The following VPS41 variants were observed in gnomAD, a reference collection of about 807,000 sequenced individuals.
VPS41 encodes the protein vacuolar protein sorting-associated protein 41 homolog.
VPS41 carries 85 observed loss-of-function variants against 130.9 expected under a neutral mutation model. The ratio of observed to expected loss-of-function variants is 0.65; its 90% CI spans 0.55 to 0.78. The LOEUF (loss-of-function observed/expected upper bound fraction) is 0.78. Among genes scored for constraint, VPS41 ranks in the 30% least tolerant of loss-of-function variants. The pLI, the probability that VPS41 is intolerant of heterozygous loss-of-function variation, is 0.00. For missense variants in VPS41, 874 were observed against 1,018.7 expected (o/e 0.86, Z 1.93); for synonymous variants, 335 against 332.9 (o/e 1.01, Z -0.07).
At chr7:38,815,629 G>A (rs1785032760) in intron 7 of VPS41, among the ~76,000 whole-genome samples, 1 of 152,088 alleles carries the variant, frequency 6.6e-6, no homozygotes, top group South Asian at 2.1e-4. Flanking sequence ...TTGAGTTGGT[G>A]GACTGGGAGA....
At position 38,748,107 on chromosome 7, in the gene VPS41, A is replaced by G. The variant is rs560840139; in HGVS notation, c.1927-2494T>C. 7.4e-4 allele frequency among the ~76,000 whole-genome samples: 113 copies of G among 152,364 alleles called. 1 individual carries two copies. In the Middle Eastern group the frequency reaches 0.014, roughly 18 times the overall value. ...AATCTCTAGAAATTTTGAGTAAAGT[A>G]TAAAAAGAAAGCATTTAGATTCTTG... On this transcript the variant is annotated intron_variant, in intron 22 of 28. Coordinates refer to ENST00000310301, the MANE Select transcript of VPS41 (RefSeq NM_014396.4).
intron 1 of VPS41, among the ~76,000 whole-genome samples, chr7:38,907,726 C>T (rs1476744311): frequency 2.0e-5 from 3 of 151,978 alleles, no homozygotes; most frequent in African/African-American, 4.8e-5. Context: ...GAAGAAAAAA[C>T]AATGGTTTTT....
At chr7:38,756,030 G>A (rs866029260) in intron 19 of VPS41, among the ~76,000 whole-genome samples, 1 of 152,112 alleles carries the variant, frequency 6.6e-6, no homozygotes, top group Non-Finnish European at 1.5e-5. Flanking sequence ...TTAAGTTGGT[G>A]GAGATTAATA....
intron 4 of VPS41, among the ~76,000 whole-genome samples, chr7:38,858,034 A>C (rs1786023115): frequency 6.6e-6 from 1 of 152,224 alleles, no homozygotes; most frequent in Admixed American, 6.5e-5. Flanking sequence ...GGAGTTGTGA[A>C]GACCAAGGTT....
chr7:38,771,369 T>C lies in VPS41; in HGVS notation c.1129-115A>G. The C allele has an allele frequency of 1.2e-5, 9 of 730,794 alleles. No homozygotes were observed. The South Asian group carries it at 1.5e-4, about 12-fold the overall frequency. The allele number at this position is 730,794 out of a possible 1,614,324, so 45.3% of individuals were successfully genotyped here. A position where few individuals can be genotyped will look rare whatever the true frequency, so the allele number is the denominator to read the frequency against. Reference sequence around the variant, plus strand: ...GAGGTTATAAACACTATAGTTATTATGGTTTAGCATTCTGCACTACACGAA... The same window carrying C: ...GAGGTTATAAACACTATAGTTATTACGGTTTAGCATTCTGCACTACACGAA... On this transcript the variant is annotated intron_variant, in intron 13 of 28. Coordinates refer to ENST00000310301, the MANE Select transcript of VPS41 (RefSeq NM_014396.4).
chr7:38,723,705 C>T lies in VPS41; in HGVS notation c.*2541G>A, dbSNP rs929328663. 1 of 94,594 alleles carries T rather than the reference C, an allele frequency of 1.1e-5. No homozygotes were observed. Among genetic ancestry groups the T allele is most frequent in the African/African-American group, 4.4e-5 (1 of 22,912 alleles). 5.9% of individuals were successfully genotyped at this position (94,594 alleles called of 1,614,324 possible). A position where few individuals can be genotyped will look rare whatever the true frequency, so the allele number is the denominator to read the frequency against. ...TGTCACTGCACTCCAGCCAAGGCAA[C>T]AGAACGAGACTCCATCTCAAAAAAA... On this transcript the variant is annotated 3_prime_UTR_variant, in exon 29 of 29. Coordinates refer to ENST00000310301, the MANE Select transcript of VPS41 (RefSeq NM_014396.4).
chr7:38,792,169 A>G (rs976164991), intron 9 of VPS41, among the ~76,000 whole-genome samples: 6 of 152,188 alleles, frequency 3.9e-5, no homozygotes, highest in Non-Finnish European at 8.8e-5. Context: ...GGGCTCACCC[A>G]GCACCTGTCT....
At chr7:38,730,844 TTA>T (rs1279293848) in intron 25 of VPS41, among the ~76,000 whole-genome samples, 1 of 152,108 alleles carries the variant, frequency 6.6e-6, no homozygotes, top group African/African-American at 2.4e-5. Context: ...ATGGCATGAA[TTA>T]TATAAGAGAA....
intron 15 of VPS41, 81 bp downstream of exon 15, chr7:38,767,456 G>T: frequency 1.1e-6 from 1 of 892,158 alleles, no homozygotes; most frequent in Non-Finnish European, 1.7e-6. Flanking sequence ...AATGTCAACT[G>T]CAAAGAATGG....
intron 1 of VPS41, among the ~76,000 whole-genome samples, chr7:38,902,738 C>T (rs1787172170): frequency 1.3e-5 from 2 of 152,196 alleles, no homozygotes; most frequent in South Asian, 4.1e-4. Flanking sequence ...CTGCACTCAT[C>T]CTGATGGAAT....
chr7:38,797,653 A>G (rs1474143979), intron 7 of VPS41, among the ~76,000 whole-genome samples: 1 of 152,246 alleles, frequency 6.6e-6, no homozygotes, highest in Non-Finnish European at 1.5e-5. Flanking sequence ...ATCCTTTCAA[A>G]GCAAATGCTG....
intron 9 of VPS41, among the ~76,000 whole-genome samples, chr7:38,794,000 C>T (rs1291680159): frequency 6.6e-6 from 1 of 152,070 alleles, no homozygotes; most frequent in African/African-American, 2.4e-5. Context: ...TTTATAGGTT[C>T]TAGGAATTAG....
chr7:38,732,202 A>C (rs925076924), intron 25 of VPS41, among the ~76,000 whole-genome samples: 2 of 152,186 alleles, frequency 1.3e-5, no homozygotes, highest in Non-Finnish European at 2.9e-5. Flanking sequence ...TCTCCTGTTA[A>C]TGCATGCTGA....
chr7:38,788,743 A>C (rs1784483300), intron 10 of VPS41, among the ~76,000 whole-genome samples: 1 of 152,168 alleles, frequency 6.6e-6, no homozygotes. Flanking sequence ...CCTACTGTCC[A>C]TACACTAAGC....
chr7:38,772,382 A>C, intron 13 of VPS41, 140 bp downstream of exon 13: 1 of 558,840 alleles, frequency 1.8e-6, no homozygotes, highest in Non-Finnish European at 3.1e-6. Context: ...GGGGTACTAG[A>C]AAGTTATTAA....
chr7:38,861,755 T>C (rs752466382), intron 4 of VPS41, among the ~76,000 whole-genome samples: 5 of 152,200 alleles, frequency 3.3e-5, no homozygotes, highest in South Asian at 2.1e-4. Flanking sequence ...GGTTGTGTCA[T>C]ATTTACACAA....
rs542926710 is a variant in VPS41, at chr7:38,898,185, T to C, written c.22-56A>G. On this transcript the variant is annotated intron_variant, in intron 1 of 28. Coordinates refer to ENST00000310301, the MANE Select transcript of VPS41 (RefSeq NM_014396.4). ...AAGAGATGATAAAAGAATAATCATT[T>C]GCAAGGGGAAAGAGTCCTCATGTTC... 2.6e-5 allele frequency: 39 copies of C among 1,496,118 alleles called. No individual in the cohort carries two copies. The East Asian group carries it at 5.7e-4, about 22-fold the overall frequency. 92.7% of individuals were successfully genotyped at this position (1,496,118 alleles called of 1,614,324 possible).
chr7:38,899,250 A>T (rs2116443890), intron 1 of VPS41, among the ~76,000 whole-genome samples: 1 of 152,332 alleles, frequency 6.6e-6, no homozygotes, highest in Non-Finnish European at 1.5e-5. Context: ...TACTTGTATC[A>T]TTAACCACAA....
At chr7:38,828,790 C>T (rs1785330138) in intron 5 of VPS41, among the ~76,000 whole-genome samples, 1 of 151,612 alleles carries the variant, frequency 6.6e-6, no homozygotes, top group East Asian at 1.9e-4. Flanking sequence ...AGGTGTTTGA[C>T]AAGAAGGGTA....
Sources: gnomAD v4.1 joint callset for allele counts (sites outside exome capture counted in the v4.1 genomes callset) on GRCh38, gnomAD v4.1.1 for gene constraint, MANE v1.5 for transcripts, NCBI Gene and HGNC (gene_info 2026-07-23, HGNC 2026-07-21) for gene names.